The following CAPRIN2 variants were observed in gnomAD, a reference collection of about 807,000 sequenced individuals.
CAPRIN2 encodes the protein caprin-2.
Under a neutral mutation model 130.4 loss-of-function variants are expected in CAPRIN2, and 66 were observed. That is an observed-to-expected ratio of 0.51 (90% CI 0.42 to 0.62). The LOEUF (loss-of-function observed/expected upper bound fraction) is 0.62, where lower values mean the gene tolerates loss of function less well. Among genes scored for constraint, CAPRIN2 ranks in the 20% least tolerant of loss-of-function variants. CAPRIN2 has a pLI of 0.00. For missense variants in CAPRIN2, 1,185 were observed against 1,246.6 expected, an observed-to-expected ratio of 0.95 and a Z score of 0.74; for synonymous variants, 471 against 444.1, an observed-to-expected ratio of 1.06 and a Z score of -0.76.
rs1238275884 is a variant in CAPRIN2, at chr12:30,713,694, A to C, written c.2601+91T>G. On this transcript the variant is annotated intron_variant, in intron 15 of 16. Coordinates refer to ENST00000298892, the Ensembl canonical transcript of CAPRIN2. ...TTAAAACTAAGAGTGCACTTTCAGA[A>C]AACAAATTATGACTCTGCGATATAC... The C allele has an allele frequency of 6.7e-6, 5 of 750,382 alleles. No individual in the cohort carries two copies. The Middle Eastern group carries it at 7.3e-4, about 109-fold the overall frequency. The allele number at this position is 750,382 out of a possible 1,614,324, so 46.5% of individuals were successfully genotyped here. A position where few individuals can be genotyped will look rare whatever the true frequency, so the allele number is the denominator to read the frequency against.
At position 30,728,948 on chromosome 12, in the gene CAPRIN2, T is replaced by C. The variant is rs768787985; in HGVS notation, c.1482A>G (p.Pro494=). The C allele has an allele frequency of 6.8e-6, 11 of 1,614,074 alleles. No homozygotes were observed. The African/African-American group carries it at 1.5e-4, about 22-fold the overall frequency. ...TCTGCAGCTGAACTGGCCACAGCTT[T>C]GGTGTCTCCTGTTTCTTTTGTTCCT... The change falls in exon 8 of 17, where the codon CCA becomes CCG. Residue 494 remains proline (P), a synonymous_variant. Coordinates refer to ENST00000298892, the Ensembl canonical transcript of CAPRIN2.
chr12:30,727,749 C>A (rs2137640898), intron 8 of CAPRIN2, among the ~76,000 whole-genome samples: 1 of 152,242 alleles, frequency 6.6e-6, no homozygotes, highest in African/African-American at 2.4e-5. Context: ...AACCTAACTA[C>A]AAAATATTTA....
chr12:30,740,893 G>A (rs1043906514), intron 3 of CAPRIN2, 127 bp downstream of exon 4: 14 of 617,080 alleles, frequency 2.3e-5, no homozygotes, highest in Non-Finnish European at 3.1e-5. Flanking sequence ...CTTCCATCAC[G>A]ATAAAATATC....
intron 2 of CAPRIN2, among the ~76,000 whole-genome samples, chr12:30,745,091 G>C (rs915802340): frequency 6.6e-6 from 1 of 152,160 alleles, no homozygotes; most frequent in East Asian, 1.9e-4. Flanking sequence ...ACAAAAGAGG[G>C]AAGATTCTAC....
intron 9 of CAPRIN2, 109 bp from the exon 11 acceptor site, chr12:30,724,560 T>C: frequency 1.4e-6 from 1 of 730,846 alleles, no homozygotes; most frequent in South Asian, 1.6e-5. Flanking sequence ...TACACATAAA[T>C]ATCTAGCTAA....
chr12:30,719,273 G>A, intron 12 of CAPRIN2, 48 bp from the exon 14 acceptor site: 1 of 1,604,432 alleles, frequency 6.2e-7, no homozygotes, highest in Non-Finnish European at 8.5e-7. Context: ...CATATAACAA[G>A]CAGTTAACTT....
In CAPRIN2 at chr12:30,751,907, G is replaced by GTTTTTTTTTTTTTT. The variant is rs1565723364; in HGVS notation, c.421-775_421-774insAAAAAAAAAAAAAA. Among the ~76,000 whole-genome samples the GTTTTTTTTTTTTTT allele has an allele frequency of 1.6e-5, 2 of 123,538 alleles. 1 individual carries two copies. The highest frequency in any genetic ancestry group is 6.7e-5 in the African/African-American group (2 of 29,798). The allele number at this position is 123,538 out of a possible 152,430, so 81.0% of individuals were successfully genotyped here. A position where few individuals can be genotyped will look rare whatever the true frequency, so the allele number is the denominator to read the frequency against. On this transcript the variant is annotated intron_variant, in intron 1 of 16. Coordinates refer to ENST00000298892, the Ensembl canonical transcript of CAPRIN2. ...ATAATAATGACATAAACCCACTATG[G>GTTTTTTTTTTTTTT]TATTTTTTTTTTTTTTTTTTTTTTT...
chr12:30,711,581 G>C (rs771728585), exon 16 of CAPRIN2: 1 of 1,613,544 alleles, frequency 6.2e-7, no homozygotes, highest in South Asian at 1.1e-5. Context: ...GAATTTGCTC[G>C]TGGACCACCA....
chr12:30,744,039 C>T (rs563085422), intron 2 of CAPRIN2, among the ~76,000 whole-genome samples: 31 of 152,258 alleles, frequency 2.0e-4, no homozygotes, highest in Middle Eastern at 3.4e-3. Context: ...CTCCTTCTGC[C>T]CCAGTGGTCC....
intron 12 of CAPRIN2, among the ~76,000 whole-genome samples, chr12:30,717,424 G>T (rs1004730362): frequency 7.9e-5 from 12 of 152,136 alleles, no homozygotes; most frequent in African/African-American, 2.7e-4. Context: ...TGTGGAGGGG[G>T]TTACAAACAG....
At chr12:30,748,265 C>T (rs1176923748) in intron 2 of CAPRIN2, among the ~76,000 whole-genome samples, 1 of 152,124 alleles carries the variant, frequency 6.6e-6, no homozygotes, top group Non-Finnish European at 1.5e-5. Flanking sequence ...AAAGAGAGTC[C>T]ATCAACGTGG....
In CAPRIN2 at chr12:30,735,079, T is replaced by C. The variant is rs758042925; in HGVS notation, c.698A>G (p.Gln233Arg). Residue 233 changes from glutamine to arginine, a missense_variant, in exon 4 of 17, where the codon CAA becomes CGA. Physicochemically the swap from Gln to Arg is conservative, Grantham distance 43. Around this residue, in one of 2 missense-constraint regions of CAPRIN2, gnomAD observed 1,104 missense variants for 1,104.3 expected, o/e 1.00. Transcript: ENST00000298892. ...ATTCAAACCCCCTTTGAAGTCTTTT[T>C]GTACGTGCTCCTGTGTCAAGTTCTG... is the stretch of plus-strand genomic sequence containing the variant. The C allele has an allele frequency of 5.0e-6, 8 of 1,614,068 alleles. No individual in the cohort carries two copies. In the African/African-American group the frequency reaches 1.1e-4, roughly 22 times the overall value.
intron 12 of CAPRIN2, 35 bp from the exon 14 acceptor site, chr12:30,719,260 T>G: frequency 6.2e-7 from 1 of 1,610,220 alleles, no homozygotes; most frequent in Non-Finnish European, 8.5e-7. Flanking sequence ...GCCAATCACC[T>G]GCCATATAAC....
chr12:30,733,533 G>T (rs2063440956), intron 5 of CAPRIN2, 96 bp downstream of exon 6: 1 of 797,016 alleles, frequency 1.3e-6, no homozygotes, highest in Non-Finnish European at 2.2e-6. Context: ...TGTAAGTTCT[G>T]ATGGACTAAC....
At chr12:30,735,203 G>A in exon 4 of CAPRIN2, 1 of 1,612,898 alleles carries the variant, frequency 6.2e-7, no homozygotes, top group South Asian at 1.1e-5. Context: ...TGCGCTTTTA[G>A]TAGCTGTTAA....
intron 14 of CAPRIN2, 139 bp downstream of exon 16, chr12:30,714,820 T>C: frequency 1.7e-6 from 1 of 587,310 alleles, no homozygotes; most frequent in Non-Finnish European, 3.0e-6. Flanking sequence ...ATATTAAAAA[T>C]ACTTTATTAT....
intron 6 of CAPRIN2, among the ~76,000 whole-genome samples, chr12:30,730,757 G>C (rs1029221101): frequency 1.3e-5 from 2 of 152,072 alleles, no homozygotes; most frequent in Admixed American, 6.6e-5. Context: ...AATAAACATG[G>C]AAAATGGTTT....
chr12:30,724,128 A>G (rs1407748967), intron 10 of CAPRIN2, among the ~76,000 whole-genome samples: 1 of 152,242 alleles, frequency 6.6e-6, no homozygotes, highest in Non-Finnish European at 1.5e-5. Flanking sequence ...AAAAACAGCT[A>G]TTGAGTATTT....
rs754373140 is a variant in CAPRIN2 at position 30,712,733 on chromosome 12, C to CTTTTTTT, written c.2601+1045_2601+1051dup. 1.1e-4 allele frequency among the ~76,000 whole-genome samples: 12 copies of CTTTTTTT among 107,290 alleles called. 1 individual carries two copies. The highest frequency in any genetic ancestry group is 2.0e-4 in the Non-Finnish European group (11 of 55,944). The allele number at this position is 107,290 out of a possible 152,430, so 70.4% of individuals were successfully genotyped here. On this transcript the variant is annotated intron_variant, in intron 15 of 16. Coordinates refer to ENST00000298892, the Ensembl canonical transcript of CAPRIN2. ...TTTAGATTCCAAGATGTTTTCCACT[C>CTTTTTTT]TTTTTTTTTTTTTTTTTTTTTTTTT...
Sources: allele counts gnomAD v4.1 joint callset (sites outside exome capture counted in the v4.1 genomes callset), GRCh38; gene constraint gnomAD v4.1.1; regional missense constraint gnomAD v4.1.1; transcripts MANE v1.5; gene names NCBI Gene and HGNC (gene_info 2026-07-23, HGNC 2026-07-21).